The following ZC3H3 variants were observed in gnomAD, a reference collection of about 807,000 sequenced individuals.
The protein encoded by ZC3H3 is zinc finger CCCH-type containing 3, also known as zinc finger CCCH domain-containing protein 3.
ZC3H3 carries 36 observed loss-of-function variants against 77.3 expected under a neutral mutation model. The observed-to-expected ratio is 0.47, with a 90% CI of 0.36 to 0.61. The LOEUF is 0.61. Ranked by LOEUF, ZC3H3 falls within the 20% of genes least tolerant of loss-of-function variation. The pLI is 0.00. For synonymous variants in ZC3H3, 626 were observed against 555.2 expected (o/e 1.13, Z -1.79); for missense variants, 1,331 against 1,312.2 (o/e 1.01, Z -0.22).
intron 4 of ZC3H3, among the ~76,000 whole-genome samples, chr8:143,498,628 C>T (rs567156213): frequency 1.3e-5 from 2 of 151,938 alleles, no homozygotes; most frequent in African/African-American, 4.8e-5. Flanking sequence ...GTGTTCTGCC[C>T]ACTCACCACC....
chr8:143,479,022 A>G (rs1446714375), intron 4 of ZC3H3, among the ~76,000 whole-genome samples: 1 of 152,056 alleles, frequency 6.6e-6, no homozygotes, highest in African/African-American at 2.4e-5. Context: ...TGCCCACCAT[A>G]GCCTGGGAGC....
intron 4 of ZC3H3, among the ~76,000 whole-genome samples, chr8:143,476,083 C>A (rs1377240274): frequency 1.3e-5 from 2 of 152,190 alleles, no homozygotes; most frequent in Non-Finnish European, 2.9e-5. Context: ...CTGAGGCTCC[C>A]TTGAGTCGGC....
intron 9 of ZC3H3, among the ~76,000 whole-genome samples, chr8:143,459,251 G>A (rs1045162445): frequency 5.3e-5 from 8 of 152,132 alleles, no homozygotes; most frequent in African/African-American, 1.9e-4. Context: ...CACATTAAAA[G>A]GATTACACAT....
At chr8:143,503,468 G>A (rs1350333154) in intron 4 of ZC3H3, among the ~76,000 whole-genome samples, 2 of 151,920 alleles carry the variant, frequency 1.3e-5, no homozygotes, top group African/African-American at 4.8e-5. Flanking sequence ...ACAAACCTGA[G>A]GCCACTGGTC....
chr8:143,520,635 G>A (rs1341692055), intron 3 of ZC3H3, among the ~76,000 whole-genome samples: 1 of 152,208 alleles, frequency 6.6e-6, no homozygotes, highest in African/African-American at 2.4e-5. Context: ...TCCTCAGGCA[G>A]AGCCCAGGCT....
chr8:143,438,179 GCT>G, intron 11 of ZC3H3, 92 bp from the exon 12 acceptor site: 2 of 1,493,206 alleles, frequency 1.3e-6, no homozygotes, highest in African/African-American at 1.4e-5. Context: ...GGATCGGGGG[GCT>G]CTGTCAGCCC....
At chr8:143,451,245 G>C (rs1819980450) in intron 9 of ZC3H3, among the ~76,000 whole-genome samples, 1 of 152,108 alleles carries the variant, frequency 6.6e-6, no homozygotes, top group African/African-American at 2.4e-5. Flanking sequence ...ATAATAAAGA[G>C]CAATGACAGA....
In ZC3H3 at chr8:143,496,048, T is replaced by C. The variant is rs73369477; in HGVS notation, c.1715+11698A>G. Among the ~76,000 whole-genome samples, 4 of 152,190 alleles carry C rather than the reference T, an allele frequency of 2.6e-5. No individual in the cohort carries two copies. In the East Asian group the frequency reaches 5.8e-4, roughly 22 times the overall value. On this transcript the variant is annotated intron_variant, in intron 4 of 11. Coordinates refer to ENST00000262577, the MANE Select transcript of ZC3H3 (RefSeq NM_015117.3). ...TATCTGTTAATACTACTGGAACTTG[T>C]GTGCTAGGCCTGAGCAAATGAGCAG...
Position 143,440,216 on chromosome 8 carries a change from TGAGGAGGAG to T in ZC3H3, c.2631_2639del (p.Ser879_Ser881del), listed in dbSNP as rs35759992. 176 of 1,568,194 alleles carry T rather than the reference TGAGGAGGAG, an allele frequency of 1.1e-4. 1 individual carries two copies. The East Asian group carries it at 2.1e-3, about 19-fold the overall frequency. On this transcript the variant is annotated inframe_deletion, in exon 11 of 12. Coordinates refer to ENST00000262577, the MANE Select transcript of ZC3H3 (RefSeq NM_015117.3). ...CGTGGTCCAAGGAAGCGGGAGGGGA[TGAGGAGGAG>T]GAGGAGGAGGAGGAAGCCTTCGAGG...
chr8:143,464,195 G>A (rs545922142), intron 9 of ZC3H3, among the ~76,000 whole-genome samples: 8 of 152,388 alleles, frequency 5.2e-5, no homozygotes, highest in Non-Finnish European at 1.0e-4. Context: ...TGCGGGCGCC[G>A]CGGCGCGGAC....
intron 4 of ZC3H3, among the ~76,000 whole-genome samples, chr8:143,479,569 G>T (rs906454463): frequency 6.6e-6 from 1 of 152,224 alleles, no homozygotes; most frequent in African/African-American, 2.4e-5. Context: ...ATGAAGGCCA[G>T]GGAGGGAACA....
intron 5 of ZC3H3, among the ~76,000 whole-genome samples, chr8:143,473,032 C>T (rs1049978949): frequency 1.3e-5 from 2 of 152,240 alleles, no homozygotes; most frequent in African/African-American, 4.8e-5. Context: ...GCAGCCTCTG[C>T]TGCCTATCCT....
rs974072244 is a variant in ZC3H3, at chr8:143,465,965, C to A, written c.2176-117G>T. On this transcript the variant is annotated intron_variant, in intron 8 of 11. Coordinates refer to ENST00000262577, the MANE Select transcript of ZC3H3 (RefSeq NM_015117.3). ...GAGAGAAATGGACACGCGGCACCAG[C>A]AGGCAGGAAGGGCAGCCACCACGAC... 5 of 1,406,240 alleles carry A rather than the reference C, an allele frequency of 3.6e-6. No individual in the cohort carries two copies. In the African/African-American group the frequency reaches 5.7e-5, roughly 16 times the overall value. The allele number at this position is 1,406,240 out of a possible 1,614,324, so 87.1% of individuals were successfully genotyped here.
At chr8:143,474,645 T>G (rs1371355269) in intron 5 of ZC3H3, among the ~76,000 whole-genome samples, 1 of 152,142 alleles carries the variant, frequency 6.6e-6, no homozygotes, top group Non-Finnish European at 1.5e-5. Context: ...ACCTGTTCTC[T>G]CTCTAGGTCC....
intron 4 of ZC3H3, among the ~76,000 whole-genome samples, chr8:143,483,265 G>C (rs1441055696): frequency 6.6e-6 from 1 of 152,230 alleles, no homozygotes; most frequent in Non-Finnish European, 1.5e-5. Context: ...TCACCGTGCT[G>C]GCTCGGGAGG....
intron 3 of ZC3H3, among the ~76,000 whole-genome samples, chr8:143,516,801 C>T (rs1475575965): frequency 6.6e-6 from 1 of 152,178 alleles, no homozygotes; most frequent in Non-Finnish European, 1.5e-5. Flanking sequence ...GGGACGCAGC[C>T]CCGTGGGATC....
At chr8:143,491,332 G>A (rs950395316) in intron 4 of ZC3H3, among the ~76,000 whole-genome samples, 4 of 152,230 alleles carry the variant, frequency 2.6e-5, no homozygotes, top group Non-Finnish European at 4.4e-5. Flanking sequence ...TGCCACTGCC[G>A]GCCCACACGG....
chr8:143,479,996 G>A (rs1389332223), intron 4 of ZC3H3, among the ~76,000 whole-genome samples: 1 of 152,218 alleles, frequency 6.6e-6, no homozygotes, highest in South Asian at 2.1e-4. Flanking sequence ...AGAGGGCTGA[G>A]CCCAGGCCCT....
chr8:143,473,931 C>T (rs924647654), intron 5 of ZC3H3, among the ~76,000 whole-genome samples: 2 of 152,176 alleles, frequency 1.3e-5, no homozygotes, highest in African/African-American at 2.4e-5. Flanking sequence ...CTCCCCTCCA[C>T]GATACAAACA....
Sources: gnomAD v4.1 joint callset for allele counts (sites outside exome capture counted in the v4.1 genomes callset) on GRCh38, gnomAD v4.1.1 for gene constraint, MANE v1.5 for transcripts, NCBI Gene and HGNC (gene_info 2026-07-23, HGNC 2026-07-21) for gene names.